SORCS1: variants seen among roughly 807,000 people sequenced by gnomAD.
SORCS1 encodes sortilin related VPS10 domain containing receptor 1.
SORCS1 carries 60 observed loss-of-function variants against 146.1 expected under a neutral mutation model. The observed-to-expected ratio is 0.41, with a 90% CI of 0.33 to 0.51. The LOEUF (loss-of-function observed/expected upper bound fraction) is 0.51, where lower values mean the gene tolerates loss of function less well. Ranked by LOEUF, SORCS1 falls within the 20% of genes least tolerant of loss-of-function variation. The pLI is 0.21. For missense variants in SORCS1, 1,352 were observed against 1,487.6 expected (o/e 0.91, Z 1.50); for synonymous variants, 637 against 584.0 (o/e 1.09, Z -1.31).
In SORCS1 at chr10:107,150,900, G is replaced by C. The variant is rs1283902193; in HGVS notation, c.558+13069C>G. 1.3e-5 allele frequency among the ~76,000 whole-genome samples: 2 copies of C among 152,190 alleles called. 1 individual carries two copies. The highest frequency in any genetic ancestry group is 1.3e-4 in the Admixed American group (2 of 15,282). ...CCTCCCCAGCCATGCTGAACTGTGA[G>C]TCAATTAAACCTCTTTCCTTTATAA... is the stretch of plus-strand genomic sequence containing the variant. On this transcript the variant is annotated intron_variant, in intron 1 of 25. Transcript: ENST00000263054.
chr10:106,587,068 C>T (rs1428712812), intron 24 of SORCS1, among the ~76,000 whole-genome samples: 1 of 152,000 alleles, frequency 6.6e-6, no homozygotes, highest in East Asian at 1.9e-4. Flanking sequence ...CATGATAAAC[C>T]CACTATTGTT....
chr10:107,073,206 C>T (rs1198353195), intron 1 of SORCS1, among the ~76,000 whole-genome samples: 1 of 152,104 alleles, frequency 6.6e-6, no homozygotes, highest in African/African-American at 2.4e-5. Context: ...GTGGAAAGAC[C>T]ATGAATAAAA....
chr10:107,164,929 C>G (rs892059363), upstream of SORCS1, among the ~76,000 whole-genome samples: 3 of 149,292 alleles, frequency 2.0e-5, no homozygotes, highest in Non-Finnish European at 3.0e-5. This position sits in a 1 kb window ranked among gnomAD's most constrained non-coding sequence, Gnocchi z 6.8. Flanking sequence ...GCAGGCGCTG[C>G]CGCCGCCTCT....
chr10:107,088,116 C>T (rs1444814510), intron 1 of SORCS1, among the ~76,000 whole-genome samples: 1 of 151,916 alleles, frequency 6.6e-6, no homozygotes, highest in Non-Finnish European at 1.5e-5. Context: ...GACGGGGTTT[C>T]ACCGTGTTAG....
chr10:106,600,331 C>T, intron 23 of SORCS1: 2 of 969,630 alleles, frequency 2.1e-6, no homozygotes, highest in Non-Finnish European at 2.5e-6. Context: ...TATCTGGTAA[C>T]AGAAAGTACG....
At chr10:107,054,426 T>C (rs2134070676) in intron 1 of SORCS1, among the ~76,000 whole-genome samples, 1 of 152,102 alleles carries the variant, frequency 6.6e-6, no homozygotes, top group South Asian at 2.1e-4. Context: ...TGGGAAAAAA[T>C]GGACCAGGTA....
Position 106,843,830 on chromosome 10 carries a change from A to G in SORCS1, c.627-14157T>C, listed in dbSNP as rs1026092991. On this transcript the variant is annotated intron_variant, in intron 2 of 25. Transcript: ENST00000263054. ...TCTCAGACACTTAGGTTGTTTCCGT[A>G]TCTTGGCTATTGTGAATAATGTTGC... 2.6e-5 allele frequency among the ~76,000 whole-genome samples: 4 copies of G among 152,216 alleles called. No individual in the cohort carries two copies. The East Asian group carries it at 5.8e-4, about 22-fold the overall frequency.
intron 22 of SORCS1, among the ~76,000 whole-genome samples, chr10:106,608,826 G>T (rs1589461410): frequency 6.6e-6 from 1 of 152,158 alleles, no homozygotes; most frequent in Non-Finnish European, 1.5e-5. Flanking sequence ...TGCCATGTAG[G>T]CCCATGACAA....
intron 1 of SORCS1, among the ~76,000 whole-genome samples, chr10:107,017,296 C>A (rs1957938769): frequency 6.6e-6 from 1 of 152,142 alleles, no homozygotes; most frequent in Non-Finnish European, 1.5e-5. Context: ...AATATTTATA[C>A]AATAGAAATT....
intron 1 of SORCS1, among the ~76,000 whole-genome samples, chr10:107,154,452 T>G (rs915199109): frequency 1.3e-5 from 2 of 152,228 alleles, no homozygotes; most frequent in Non-Finnish European, 2.9e-5. Flanking sequence ...GTTTTTATAA[T>G]CAACCTTTTA....
intron 1 of SORCS1, among the ~76,000 whole-genome samples, chr10:107,135,108 G>T (rs903663783): frequency 6.6e-6 from 1 of 152,216 alleles, no homozygotes; most frequent in Non-Finnish European, 1.5e-5. Context: ...AAAGGGGACT[G>T]TGGGAAAGAA....
At chr10:106,676,389 G>C (rs1214280634) in intron 13 of SORCS1, among the ~76,000 whole-genome samples, 1 of 152,172 alleles carries the variant, frequency 6.6e-6, no homozygotes. Flanking sequence ...GAGCAGAACT[G>C]TCATGCACTG....
At chr10:106,921,618 CAG>C (rs1287256841) in intron 2 of SORCS1, among the ~76,000 whole-genome samples, 2 of 152,134 alleles carry the variant, frequency 1.3e-5, no homozygotes, top group Non-Finnish European at 2.9e-5. Context: ...GCAAGGGACA[CAG>C]GGAGTCGGGA....
intron 1 of SORCS1, among the ~76,000 whole-genome samples, chr10:106,976,398 T>A (rs1269058246): frequency 1.4e-5 from 2 of 147,470 alleles, no homozygotes; most frequent in East Asian, 2.1e-4. Context: ...GCTGCGCGAT[T>A]TCGGCTCACT....
intron 3 of SORCS1, among the ~76,000 whole-genome samples, chr10:106,798,788 T>TGGG (rs1946721766): frequency 4.6e-5 from 7 of 152,210 alleles, no homozygotes; most frequent in Admixed American, 2.0e-4. Flanking sequence ...TTTATAATGC[T>TGGG]TTGGGTATAT....
intron 3 of SORCS1, among the ~76,000 whole-genome samples, chr10:106,815,623 CA>C (rs1417201583): frequency 6.6e-6 from 1 of 152,136 alleles, no homozygotes; most frequent in African/African-American, 2.4e-5. Context: ...TCCTACTCAT[CA>C]TATTATACTC....
intron 24 of SORCS1, among the ~76,000 whole-genome samples, chr10:106,590,514 G>A (rs1845536600): frequency 6.6e-6 from 1 of 152,082 alleles, no homozygotes; most frequent in Non-Finnish European, 1.5e-5. Context: ...AAAACTATTG[G>A]CACTTTAGGG....
At chr10:106,988,363 T>G (rs1176484011) in intron 1 of SORCS1, among the ~76,000 whole-genome samples, 1 of 152,078 alleles carries the variant, frequency 6.6e-6, no homozygotes, top group Non-Finnish European at 1.5e-5. Flanking sequence ...GGATGAAAAA[T>G]ATATTATCTC....
intron 2 of SORCS1, among the ~76,000 whole-genome samples, chr10:106,954,775 C>T (rs910292069): frequency 3.9e-5 from 6 of 152,096 alleles, no homozygotes; most frequent in African/African-American, 1.2e-4. Context: ...CCTGCACCTC[C>T]CCCATTTTGA....
Sources: gnomAD v4.1 joint callset for allele counts (sites outside exome capture counted in the v4.1 genomes callset) on GRCh38, gnomAD v4.1.1 for gene constraint, Gnocchi (gnomAD v3.1) non-coding constraint, MANE v1.5 for transcripts, NCBI Gene and HGNC (gene_info 2026-07-23, HGNC 2026-07-21) for gene names.